DCC: variants seen among roughly 807,000 people sequenced by gnomAD.
DCC encodes netrin receptor DCC.
Under a neutral mutation model 172.5 loss-of-function variants are expected in DCC, and 58 were observed. The observed-to-expected ratio is 0.34, with a 90% confidence interval of 0.27 to 0.42. The LOEUF (loss-of-function observed/expected upper bound fraction) is 0.42. Ranked by LOEUF, DCC falls within the 10% of genes least tolerant of loss-of-function variation. DCC has a pLI of 1.00. For missense variants in DCC, 1,740 were observed against 1,791.0 expected (o/e 0.97, Z 0.51); for synonymous variants, 709 against 644.5 (o/e 1.10, Z -1.52).
At chr18:52,523,581 G>T (rs1306719368) in intron 1 of DCC, among the ~76,000 whole-genome samples, 1 of 152,062 alleles carries the variant, frequency 6.6e-6, no homozygotes, top group Non-Finnish European at 1.5e-5. Flanking sequence ...ATGCACAAAA[G>T]CTAATTTCAA....
intron 1 of DCC, among the ~76,000 whole-genome samples, chr18:52,710,242 A>G (rs550767053): frequency 6.6e-6 from 1 of 152,370 alleles, no homozygotes; most frequent in African/African-American, 2.4e-5. Flanking sequence ...GTAAGACAGA[A>G]TATCATGCAG....
At chr18:53,337,151 A>T (rs781745687) in intron 14 of DCC, among the ~76,000 whole-genome samples, 2 of 152,244 alleles carry the variant, frequency 1.3e-5, no homozygotes, top group African/African-American at 2.4e-5. Context: ...GTTTGCAGAA[A>T]TATTAAGAAA....
At chr18:52,792,323 C>T (rs2037786710) in intron 2 of DCC, among the ~76,000 whole-genome samples, 1 of 152,176 alleles carries the variant, frequency 6.6e-6, no homozygotes, top group African/African-American at 2.4e-5. Context: ...AAACTTCCTA[C>T]ACATTGCATA....
chr18:52,883,391 TGA>T (rs200778039), intron 2 of DCC, among the ~76,000 whole-genome samples: 3,646 of 82,030 alleles, frequency 0.044, 154 homozygotes, highest in African/African-American at 0.12. Context: ...TGTGTGTGTG[TGA>T]GATCTCTTTC....
chr18:52,565,680 A>T (rs533667720), intron 1 of DCC, among the ~76,000 whole-genome samples: 1 of 151,978 alleles, frequency 6.6e-6, no homozygotes, highest in Admixed American at 6.6e-5. Flanking sequence ...CCACTTTTTG[A>T]TGGGGTTGTT....
intron 1 of DCC, among the ~76,000 whole-genome samples, chr18:52,642,115 C>T (rs1598980524): frequency 6.8e-6 from 1 of 148,052 alleles, no homozygotes; most frequent in Non-Finnish European, 1.5e-5. Flanking sequence ...CACATACACA[C>T]ATATACGATG....
At chr18:52,431,638 A>G (rs1256730439) in intron 1 of DCC, among the ~76,000 whole-genome samples, 1 of 152,180 alleles carries the variant, frequency 6.6e-6, no homozygotes, top group Non-Finnish European at 1.5e-5. Flanking sequence ...TTCCAATGCC[A>G]GATGAAATGC....
At chr18:53,080,419 T>C (rs1568290212) in intron 7 of DCC, among the ~76,000 whole-genome samples, 1 of 152,136 alleles carries the variant, frequency 6.6e-6, no homozygotes, top group Non-Finnish European at 1.5e-5. Context: ...TCTCAATGAC[T>C]CATTAGGAAG....
intron 3 of DCC, among the ~76,000 whole-genome samples, chr18:52,910,718 G>A (rs903047403): frequency 2.6e-5 from 4 of 152,048 alleles, no homozygotes; most frequent in Admixed American, 1.3e-4. Flanking sequence ...CCTATACAAT[G>A]GAATTCTTTA....
At chr18:53,178,730 G>A (rs1307243374) in intron 8 of DCC, among the ~76,000 whole-genome samples, 2 of 152,114 alleles carry the variant, frequency 1.3e-5, no homozygotes, top group Non-Finnish European at 2.9e-5. Context: ...CAAGTTTCAT[G>A]GAAAATGACA....
intron 12 of DCC, among the ~76,000 whole-genome samples, chr18:53,241,443 C>A (rs1374632658): frequency 6.6e-6 from 1 of 152,124 alleles, no homozygotes; most frequent in Non-Finnish European, 1.5e-5. Flanking sequence ...CCAACATAGA[C>A]AAGGGGTTGT....
intron 1 of DCC, among the ~76,000 whole-genome samples, chr18:52,633,810 A>G (rs1460207477): frequency 6.6e-6 from 1 of 152,212 alleles, no homozygotes; most frequent in African/African-American, 2.4e-5. Context: ...ATAAGCATAA[A>G]ACAATAAGTC....
intron 7 of DCC, among the ~76,000 whole-genome samples, chr18:53,140,557 C>T (rs1396671502): frequency 1.3e-5 from 2 of 152,022 alleles, no homozygotes; most frequent in Admixed American, 6.6e-5. Flanking sequence ...TTTTCATATC[C>T]TTATCATTTA....
intron 1 of DCC, among the ~76,000 whole-genome samples, chr18:52,741,464 AG>A (rs1319316120): frequency 1.3e-5 from 2 of 152,138 alleles, no homozygotes; most frequent in South Asian, 4.1e-4. Context: ...TGTGCATTGT[AG>A]GATGTGCTAC....
chr18:52,924,460 C>T (rs963584680), intron 4 of DCC, among the ~76,000 whole-genome samples: 1 of 151,920 alleles, frequency 6.6e-6, no homozygotes, highest in Non-Finnish European at 1.5e-5. Flanking sequence ...CCAGCTATAA[C>T]AAATATTTAA....
chr18:52,397,295 G>A (rs1305702553), intron 1 of DCC, among the ~76,000 whole-genome samples: 3 of 151,952 alleles, frequency 2.0e-5, no homozygotes, highest in Admixed American at 6.6e-5. Flanking sequence ...CTGCATTCTG[G>A]AGATCATATT....
intron 5 of DCC, among the ~76,000 whole-genome samples, chr18:52,991,036 G>C (rs1381547945): frequency 6.6e-6 from 1 of 152,126 alleles, no homozygotes; most frequent in East Asian, 1.9e-4. Flanking sequence ...AAGCGGAGGA[G>C]ACACAATTCA....
chr18:52,735,666 G>T (rs937653882), intron 1 of DCC, among the ~76,000 whole-genome samples: 4 of 152,050 alleles, frequency 2.6e-5, no homozygotes, highest in Non-Finnish European at 4.4e-5. Flanking sequence ...ATGTTCAGGG[G>T]CAGGAAGCAT....
intron 2 of DCC, among the ~76,000 whole-genome samples, chr18:52,872,779 A>G (rs2039342412): frequency 6.6e-6 from 1 of 152,170 alleles, no homozygotes; most frequent in African/African-American, 2.4e-5. Flanking sequence ...GTTATATTTC[A>G]TTATAAATAG....
Sources: gnomAD v4.1 joint callset for allele counts (sites outside exome capture counted in the v4.1 genomes callset) on GRCh38, gnomAD v4.1.1 for gene constraint, MANE v1.5 for transcripts, NCBI Gene and HGNC (gene_info 2026-07-23, HGNC 2026-07-21) for gene names.